The following EEFSEC variants were observed in gnomAD, a reference collection of about 807,000 sequenced individuals.
The protein encoded by EEFSEC is selenocysteine-specific elongation factor.
EEFSEC carries 43 observed loss-of-function variants against 42.1 expected under a neutral mutation model. That is an observed-to-expected ratio of 1.02 (90% CI 0.80 to 1.32). The LOEUF (loss-of-function observed/expected upper bound fraction) is 1.32. Among genes scored for constraint, EEFSEC ranks in the 40% most tolerant of loss-of-function variants. EEFSEC has a pLI of 0.00. For synonymous variants in EEFSEC, 354 were observed against 339.1 expected (o/e 1.04, Z -0.48); for missense variants, 745 against 803.6 (o/e 0.93, Z 0.88).
intron 6 of EEFSEC, among the ~76,000 whole-genome samples, chr3:128,387,864 C>T (rs2067860650): frequency 6.6e-6 from 1 of 152,240 alleles, no homozygotes. Context: ...GATGTGCCTG[C>T]CCCAGGCAGC....
At chr3:128,256,580 G>T (rs908658643) in intron 2 of EEFSEC, among the ~76,000 whole-genome samples, 1 of 152,188 alleles carries the variant, frequency 6.6e-6, no homozygotes, top group Non-Finnish European at 1.5e-5. Context: ...ATGTGGATTT[G>T]AGTTCTGAAT....
At chr3:128,332,601 G>A (rs1248705189) in intron 4 of EEFSEC, among the ~76,000 whole-genome samples, 2 of 152,188 alleles carry the variant, frequency 1.3e-5, no homozygotes, top group Non-Finnish European at 2.9e-5. Context: ...ACAGGCACCC[G>A]CCATAATGCC....
intron 4 of EEFSEC, among the ~76,000 whole-genome samples, chr3:128,331,673 G>T (rs771566406): frequency 6.6e-6 from 1 of 152,092 alleles, no homozygotes; most frequent in Admixed American, 6.5e-5. Flanking sequence ...GACAGTAGAT[G>T]TTGGGGAGAC....
At chr3:128,272,709 T>C (rs1010872814) in intron 4 of EEFSEC, among the ~76,000 whole-genome samples, 39 of 152,232 alleles carry the variant, frequency 2.6e-4, no homozygotes, top group African/African-American at 9.2e-4. Context: ...AGGCTGCTCC[T>C]GGCCTGGTTG....
intron 4 of EEFSEC, among the ~76,000 whole-genome samples, chr3:128,322,829 A>G (rs1206619685): frequency 6.6e-6 from 1 of 151,986 alleles, no homozygotes; most frequent in Non-Finnish European, 1.5e-5. Context: ...CCTTGCTGCC[A>G]CCCCGTCCCC....
intron 4 of EEFSEC, among the ~76,000 whole-genome samples, chr3:128,334,268 G>A (rs892407961): frequency 6.6e-6 from 1 of 152,258 alleles, no homozygotes; most frequent in Non-Finnish European, 1.5e-5. Context: ...CTGGTGGCGA[G>A]GAGTCCCCTG....
At chr3:128,333,203 A>G (rs936295282) in intron 4 of EEFSEC, among the ~76,000 whole-genome samples, 24 of 152,244 alleles carry the variant, frequency 1.6e-4, no homozygotes, top group African/African-American at 5.8e-4. Context: ...TAGCTGGTAC[A>G]TTATTACAAA....
At chr3:128,282,186 G>A (rs1341255803) in intron 4 of EEFSEC, among the ~76,000 whole-genome samples, 3 of 152,182 alleles carry the variant, frequency 2.0e-5, no homozygotes, top group Middle Eastern at 3.2e-3. Flanking sequence ...TCCTGACCCC[G>A]ACTTGGTCTA....
chr3:128,258,654 A>G (rs1344596869), intron 2 of EEFSEC, among the ~76,000 whole-genome samples: 1 of 152,226 alleles, frequency 6.6e-6, no homozygotes, highest in African/African-American at 2.4e-5. Flanking sequence ...TAAGAATTCA[A>G]TAAATTTATG....
At chr3:128,392,223 C>G (rs1409806223) in intron 6 of EEFSEC, among the ~76,000 whole-genome samples, 1 of 152,196 alleles carries the variant, frequency 6.6e-6, no homozygotes, top group Non-Finnish European at 1.5e-5. Flanking sequence ...CCGCACCAGC[C>G]CCCCGTGAGG....
downstream of EEFSEC, among the ~76,000 whole-genome samples, chr3:128,411,089 G>A (rs1183498245): frequency 6.6e-6 from 1 of 152,238 alleles, no homozygotes; most frequent in African/African-American, 2.4e-5. Flanking sequence ...AAACCCGAGC[G>A]TCCATTAGTG....
chr3:128,297,647 G>A (rs183875687), intron 4 of EEFSEC, among the ~76,000 whole-genome samples: 6 of 152,336 alleles, frequency 3.9e-5, no homozygotes, highest in East Asian at 1.9e-4. Flanking sequence ...GAGGGCTCCA[G>A]CAGAGCTTTG....
chr3:128,321,805 A>T (rs1405122401), intron 4 of EEFSEC, among the ~76,000 whole-genome samples: 1 of 152,194 alleles, frequency 6.6e-6, no homozygotes, highest in Non-Finnish European at 1.5e-5. Flanking sequence ...TGTGGAAGAC[A>T]GACTTTAAAC....
intron 1 of EEFSEC, among the ~76,000 whole-genome samples, chr3:128,199,001 T>G (rs1041482907): frequency 6.6e-6 from 1 of 152,072 alleles, no homozygotes; most frequent in Non-Finnish European, 1.5e-5. Flanking sequence ...CCAGCTAATT[T>G]TTGTATTTTT....
At chr3:128,340,388 T>C (rs985237115) in intron 4 of EEFSEC, among the ~76,000 whole-genome samples, 5 of 149,986 alleles carry the variant, frequency 3.3e-5, no homozygotes, top group African/African-American at 7.3e-5. Flanking sequence ...TATATTAATA[T>C]ATATTTGCAT....
At chr3:128,365,649 C>T (rs916272895) in intron 6 of EEFSEC, among the ~76,000 whole-genome samples, 1 of 152,086 alleles carries the variant, frequency 6.6e-6, no homozygotes, top group African/African-American at 2.4e-5. Context: ...CTTTATCCTC[C>T]CACCCATGCC....
intron 6 of EEFSEC, among the ~76,000 whole-genome samples, chr3:128,406,705 C>T (rs527549903): frequency 5.3e-5 from 8 of 152,142 alleles, no homozygotes; most frequent in Admixed American, 5.2e-4. Flanking sequence ...CCCCACTACT[C>T]AGGAGGCTGA....
chr3:128,279,083 AG>A (rs1292674645), intron 4 of EEFSEC, among the ~76,000 whole-genome samples: 2 of 152,100 alleles, frequency 1.3e-5, no homozygotes, highest in South Asian at 4.2e-4. Flanking sequence ...TGGGGCAGGG[AG>A]GGAAGGCCGG....
intron 1 of EEFSEC, among the ~76,000 whole-genome samples, chr3:128,163,832 C>T (rs992748387): frequency 3.3e-5 from 5 of 151,916 alleles, no homozygotes; most frequent in African/African-American, 9.7e-5. Flanking sequence ...TGCTTGGCCT[C>T]CTATGTTGCC....
Sources: gnomAD v4.1 joint callset for allele counts (sites outside exome capture counted in the v4.1 genomes callset) on GRCh38, gnomAD v4.1.1 for gene constraint, MANE v1.5 for transcripts, NCBI Gene and HGNC (gene_info 2026-07-23, HGNC 2026-07-21) for gene names.